The following CTNNA3 variants were observed in gnomAD, a reference collection of about 807,000 sequenced individuals.
CTNNA3 encodes the protein catenin alpha-3.
A neutral mutation model predicts 95.7 loss-of-function variants in CTNNA3; 76 were observed. The observed-to-expected ratio is 0.79, with a 90% confidence interval of 0.66 to 0.96. The LOEUF (loss-of-function observed/expected upper bound fraction) is 0.96, where lower values mean the gene tolerates loss of function less well. Ranked by LOEUF, CTNNA3 falls within the 40% of genes least tolerant of loss-of-function variation. The pLI is 0.00. For synonymous variants in CTNNA3, 431 were observed against 374.4 expected, an observed-to-expected ratio of 1.15 and a Z score of -1.74; for missense variants, 1,191 against 1,089.8, an observed-to-expected ratio of 1.09 and a Z score of -1.31.
intron 6 of CTNNA3, among the ~76,000 whole-genome samples, chr10:67,208,189 G>T (rs905101673): frequency 2.0e-5 from 3 of 151,772 alleles, no homozygotes; most frequent in African/African-American, 7.3e-5. Flanking sequence ...TGGCCAAGAT[G>T]GTGAAACCAC....
chr10:66,301,354 A>G (rs2091860637), intron 12 of CTNNA3, among the ~76,000 whole-genome samples: 1 of 152,002 alleles, frequency 6.6e-6, no homozygotes, highest in South Asian at 2.1e-4. Context: ...TACCAAAACC[A>G]AAGACATTGA....
chr10:66,244,728 C>T (rs7091390), intron 13 of CTNNA3, among the ~76,000 whole-genome samples: 25,237 of 152,132 alleles, frequency 0.17, 2,224 homozygotes, highest in East Asian at 0.26. Context: ...ATCACAATGT[C>T]GAAGTCATTT....
intron 7 of CTNNA3, among the ~76,000 whole-genome samples, chr10:67,074,496 G>A (rs1001195863): frequency 4.0e-5 from 6 of 151,410 alleles, no homozygotes; most frequent in African/African-American, 1.2e-4. Flanking sequence ...GACTACAGGC[G>A]CCCACCACCA....
At chr10:67,163,722 A>C (rs992805044) in intron 7 of CTNNA3, among the ~76,000 whole-genome samples, 2 of 152,008 alleles carry the variant, frequency 1.3e-5, no homozygotes, top group Non-Finnish European at 2.9e-5. Context: ...TCTATGTAGA[A>C]AATCCCAAGG....
At chr10:66,939,395 A>G (rs761808099) in intron 7 of CTNNA3, among the ~76,000 whole-genome samples, 3 of 152,184 alleles carry the variant, frequency 2.0e-5, no homozygotes, top group Admixed American at 2.0e-4. Flanking sequence ...ATATGCCTTC[A>G]AACTGAGTTA....
chr10:66,932,339 T>TA (rs1726084953), intron 7 of CTNNA3, among the ~76,000 whole-genome samples: 1 of 152,146 alleles, frequency 6.6e-6, no homozygotes, highest in Admixed American at 6.6e-5. Context: ...ATCGTTTATT[T>TA]AAAGTGTGGA....
rs559259629 is a variant in CTNNA3 at position 67,332,966 on chromosome 10, A to T, written c.580-113096T>A. Among the ~76,000 whole-genome samples, 4 of 152,316 alleles carry T rather than the reference A, an allele frequency of 2.6e-5. No individual in the cohort carries two copies. The East Asian group carries it at 7.7e-4, about 29-fold the overall frequency. ...ACACTGGATTATATGAAGATCCCCTATGATTCACACAGTCAATAAATAAAT... is the reference window on the plus strand; with the variant it reads ...ACACTGGATTATATGAAGATCCCCTTTGATTCACACAGTCAATAAATAAAT... On this transcript the variant is annotated intron_variant, in intron 5 of 17. Coordinates refer to ENST00000433211, the MANE Select transcript of CTNNA3 (RefSeq NM_013266.4).
intron 16 of CTNNA3, among the ~76,000 whole-genome samples, chr10:65,971,128 A>AAATT (rs2078091401): frequency 6.6e-6 from 1 of 151,954 alleles, no homozygotes; most frequent in African/African-American, 2.4e-5. Context: ...AATAATAGAC[A>AAATT]CAACATATAA....
At chr10:65,941,976 C>T (rs1020299637) in intron 17 of CTNNA3, among the ~76,000 whole-genome samples, 12 of 152,146 alleles carry the variant, frequency 7.9e-5, no homozygotes, top group African/African-American at 2.9e-4. Flanking sequence ...TATATAATTG[C>T]CTGCCCCAAG....
At chr10:66,047,746 A>C (rs2079858423) in intron 15 of CTNNA3, among the ~76,000 whole-genome samples, 2 of 152,206 alleles carry the variant, frequency 1.3e-5, no homozygotes, top group Non-Finnish European at 2.9e-5. Context: ...GTGTCAGCCC[A>C]AAATCTCCTC....
chr10:67,213,848 A>G (rs1208027058), intron 6 of CTNNA3, among the ~76,000 whole-genome samples: 2 of 151,664 alleles, frequency 1.3e-5, no homozygotes, highest in Non-Finnish European at 3.0e-5. Flanking sequence ...TTAATTTTCC[A>G]TGTGTCCTCG....
intron 15 of CTNNA3, among the ~76,000 whole-genome samples, chr10:66,062,662 A>G (rs1225442417): frequency 6.6e-6 from 1 of 152,090 alleles, no homozygotes; most frequent in Non-Finnish European, 1.5e-5. Flanking sequence ...AATTTAGGTG[A>G]CTCTGGATTC....
At chr10:67,105,528 G>A (rs943082010) in intron 7 of CTNNA3, among the ~76,000 whole-genome samples, 1 of 152,024 alleles carries the variant, frequency 6.6e-6, no homozygotes. Flanking sequence ...TACTCCATCT[G>A]TTCTTGCTGT....
intron 13 of CTNNA3, among the ~76,000 whole-genome samples, chr10:66,182,592 T>C (rs576489655): frequency 3.3e-5 from 5 of 152,092 alleles, no homozygotes; most frequent in South Asian, 2.1e-4. Context: ...TCTCATGTGG[T>C]TCCTAAGACT....
intron 7 of CTNNA3, among the ~76,000 whole-genome samples, chr10:67,152,199 T>A (rs1861115161): frequency 1.3e-5 from 2 of 152,236 alleles, no homozygotes. Context: ...CCCTTCAGCC[T>A]CATCATCTAC....
intron 1 of CTNNA3, among the ~76,000 whole-genome samples, chr10:67,762,383 CAAA>C (rs528181955): frequency 3.9e-4 from 54 of 137,018 alleles, no homozygotes; most frequent in African/African-American, 1.3e-3. Context: ...CTCCCCCCCC[CAAA>C]AAAAAAAAAG....
intron 5 of CTNNA3, among the ~76,000 whole-genome samples, chr10:67,409,948 G>T (rs1564631810): frequency 1.3e-5 from 2 of 152,146 alleles, no homozygotes; most frequent in East Asian, 3.9e-4. Flanking sequence ...AGACAGTGTG[G>T]CAATTCCTCA....
chr10:66,380,009 A>G (rs115857834), intron 11 of CTNNA3, among the ~76,000 whole-genome samples: 113 of 152,364 alleles, frequency 7.4e-4, no homozygotes, highest in African/African-American at 2.6e-3. Flanking sequence ...AATTGAAAGA[A>G]TATTAAAAGA....
chr10:65,956,016 C>G (rs2077722202), intron 17 of CTNNA3, among the ~76,000 whole-genome samples: 1 of 152,078 alleles, frequency 6.6e-6, no homozygotes, highest in South Asian at 2.1e-4. Flanking sequence ...TCCTTCTGGT[C>G]CTGGACTTTT....
Sources: allele counts gnomAD v4.1 joint callset (sites outside exome capture counted in the v4.1 genomes callset), GRCh38; gene constraint gnomAD v4.1.1; transcripts MANE v1.5; gene names NCBI Gene and HGNC (gene_info 2026-07-23, HGNC 2026-07-21).